UNC5C: variants seen among roughly 807,000 people sequenced by gnomAD.
UNC5C encodes unc-5 netrin receptor C, also known as netrin receptor UNC5C.
In UNC5C, 47 loss-of-function variants were observed where a neutral mutation model predicts 99.8. The ratio of observed to expected loss-of-function variants is 0.47; its 90% CI spans 0.37 to 0.60. UNC5C has a LOEUF of 0.60. Ranked by LOEUF, UNC5C falls within the 20% of genes least tolerant of loss-of-function variation. The pLI is 0.00. For synonymous variants in UNC5C, 487 were observed against 452.2 expected (o/e 1.08, Z -0.98); for missense variants, 1,062 against 1,165.9 (o/e 0.91, Z 1.30).
chr4:95,298,020 A>C (rs1357260464), intron 3 of UNC5C, among the ~76,000 whole-genome samples: 3 of 152,178 alleles, frequency 2.0e-5, no homozygotes, highest in Non-Finnish European at 4.4e-5. Context: ...CCTCAAAACC[A>C]AATATGGGCC....
chr4:95,222,131 C>T (rs565305869), intron 7 of UNC5C: 46 of 1,060,762 alleles, frequency 4.3e-5, no homozygotes, highest in African/African-American at 3.0e-4. Flanking sequence ...ATCTGTAATC[C>T]GAAGAAAGGT....
Position 95,202,819 on chromosome 4 carries a change from T to A in UNC5C, c.2048A>T (p.Lys683Met). 6.2e-7 allele frequency: 1 copy of A among 1,614,222 alleles called. No homozygotes were observed. The highest frequency in any genetic ancestry group is 1.1e-5 in the South Asian group (1 of 91,080). The change falls in exon 12 of 16, where the codon AAG (lysine) becomes ATG (methionine). Residue 683 changes from lysine to methionine, a missense_variant. Coordinates refer to ENST00000453304, the MANE Select transcript of UNC5C (RefSeq NM_003728.4). ...GCACAGGGGCCCAAAGATGGCCAGC[T>A]TGAGGCGCTTCGCAGCCGCTTTGGT... Reference protein sequence around the residue: ...STTKAAAKRLKLAIFGPLCCS... With the variant: ...STTKAAAKRLMLAIFGPLCCS...
intron 1 of UNC5C, among the ~76,000 whole-genome samples, chr4:95,510,988 T>C (rs1248501858): frequency 6.6e-6 from 1 of 152,130 alleles, no homozygotes; most frequent in Non-Finnish European, 1.5e-5. Flanking sequence ...ACGGGTGGAA[T>C]GATTTCATAA....
intron 3 of UNC5C, among the ~76,000 whole-genome samples, chr4:95,294,851 A>G (rs1038893833): frequency 7.9e-5 from 12 of 152,188 alleles, no homozygotes; most frequent in African/African-American, 2.4e-4. Context: ...GCACTATGTC[A>G]TATGTTTTAC....
intron 12 of UNC5C, among the ~76,000 whole-genome samples, chr4:95,186,220 G>A (rs145465060): frequency 7.9e-5 from 12 of 152,112 alleles, no homozygotes; most frequent in Non-Finnish European, 1.5e-4. Context: ...TTAAAATAAG[G>A]GTCCAGGAAT....
intron 1 of UNC5C, among the ~76,000 whole-genome samples, chr4:95,381,223 C>A (rs1745061054): frequency 6.6e-6 from 1 of 152,166 alleles, no homozygotes; most frequent in African/African-American, 2.4e-5. Context: ...GAACACTCAT[C>A]ATCACTGAAC....
At chr4:95,273,415 T>C (rs934734288) in intron 4 of UNC5C, among the ~76,000 whole-genome samples, 5 of 152,238 alleles carry the variant, frequency 3.3e-5, no homozygotes, top group Non-Finnish European at 7.3e-5. Context: ...CATCTCGGAA[T>C]ATATTTCTGG....
At chr4:95,207,261 T>C (rs1019950133) in intron 10 of UNC5C, among the ~76,000 whole-genome samples, 2 of 152,232 alleles carry the variant, frequency 1.3e-5, no homozygotes, top group African/African-American at 4.8e-5. Context: ...GAGGACACTC[T>C]AGAACTAAAC....
chr4:95,422,036 C>T (rs937503823), intron 1 of UNC5C, among the ~76,000 whole-genome samples: 7 of 152,174 alleles, frequency 4.6e-5, no homozygotes, highest in African/African-American at 1.7e-4. Context: ...GATGTGCTGA[C>T]TGGTCCCAAG....
At chr4:95,469,078 A>G (rs561790630) in intron 1 of UNC5C, among the ~76,000 whole-genome samples, 1 of 152,240 alleles carries the variant, frequency 6.6e-6, no homozygotes, top group East Asian at 1.9e-4. Context: ...ATTTGCGTGA[A>G]AAACTGGAGT....
intron 1 of UNC5C, among the ~76,000 whole-genome samples, chr4:95,353,968 T>A (rs1049509313): frequency 6.6e-6 from 1 of 152,126 alleles, no homozygotes; most frequent in African/African-American, 2.4e-5. Flanking sequence ...TAAGTCCTAA[T>A]GAAGTTCATG....
intron 5 of UNC5C, chr4:95,248,696 T>C (rs551511512): frequency 2.5e-6 from 1 of 398,278 alleles, no homozygotes; most frequent in East Asian, 7.4e-5. Context: ...TCCTATCATG[T>C]ACCCCATAAC....
chr4:95,370,869 T>C (rs1744726330), intron 1 of UNC5C, among the ~76,000 whole-genome samples: 1 of 152,190 alleles, frequency 6.6e-6, no homozygotes, highest in African/African-American at 2.4e-5. Context: ...TTCAAAAGAA[T>C]ACGTAGTTCA....
chr4:95,434,987 A>G (rs1014858224), intron 1 of UNC5C, among the ~76,000 whole-genome samples: 6 of 152,092 alleles, frequency 3.9e-5, no homozygotes, highest in Non-Finnish European at 7.4e-5. Context: ...CAGGAAATGG[A>G]TAGTTGAATA....
Position 95,301,759 on chromosome 4 carries a change from G to T in UNC5C, c.347-10C>A, listed in dbSNP as rs749481777. On this transcript the variant is annotated splice_polypyrimidine_tract_variant and intron_variant, in intron 2 of 15. Transcript: ENST00000453304. ...TCCCGGACAATGAGACCTGACAAGA[G>T]AAAAAGAAAGATTTAAGTCAACACA... 6.2e-7 allele frequency: 1 copy of T among 1,610,916 alleles called. No homozygotes were observed. The highest frequency in any genetic ancestry group is 8.5e-7 in the Non-Finnish European group (1 of 1,179,362).
chr4:95,488,612 C>T (rs1201674124), intron 1 of UNC5C, among the ~76,000 whole-genome samples: 1 of 151,710 alleles, frequency 6.6e-6, no homozygotes, highest in Non-Finnish European at 1.5e-5. Flanking sequence ...AATGCACACT[C>T]AGGCAAATTC....
chr4:95,317,730 C>T (rs759238327), intron 2 of UNC5C, among the ~76,000 whole-genome samples: 18 of 152,122 alleles, frequency 1.2e-4, no homozygotes, highest in Non-Finnish European at 1.9e-4. Context: ...TGGTAAAGAA[C>T]ACTAGGGAAT....
At chr4:95,530,994 A>G (rs1195903165) in intron 1 of UNC5C, among the ~76,000 whole-genome samples, 1 of 152,194 alleles carries the variant, frequency 6.6e-6, no homozygotes, top group Non-Finnish European at 1.5e-5. Flanking sequence ...TTTACATCAT[A>G]AATAAACCTT....
At chr4:95,171,203 C>G (rs183481416) in intron 14 of UNC5C, among the ~76,000 whole-genome samples, 1 of 151,838 alleles carries the variant, frequency 6.6e-6, no homozygotes, top group African/African-American at 2.4e-5. Flanking sequence ...CTATAAATGC[C>G]ATCTCTCTCT....
Sources: allele counts gnomAD v4.1 joint callset (sites outside exome capture counted in the v4.1 genomes callset), GRCh38; gene constraint gnomAD v4.1.1; transcripts MANE v1.5; gene names NCBI Gene and HGNC (gene_info 2026-07-23, HGNC 2026-07-21).